The following DAP variants were observed in gnomAD, a reference collection of about 807,000 sequenced individuals.
The protein encoded by DAP is death-associated protein 1.
DAP carries 8 observed loss-of-function variants against 13.8 expected under a neutral mutation model. The ratio of observed to expected loss-of-function variants is 0.58; its 90% CI spans 0.34 to 1.05. The LOEUF is 1.05. Ranked by LOEUF, DAP falls within the 50% of genes least tolerant of loss-of-function variation. The probability of loss-of-function intolerance (pLI) is 0.03; values close to 1 mark genes in which losing one functional copy is unlikely to be tolerated. For missense variants in DAP, 106 were observed against 133.2 expected (o/e 0.80, Z 1.01); for synonymous variants, 47 against 47.5 (o/e 0.99, Z 0.04).
chr5:10,733,095 T>TCA lies in DAP; in HGVS notation c.152+15079_152+15080insTG. ...TTCACTAGGCATAATGACCTCCAGG[T>TCA]TCCCCCATGACGTGGCATATGACAG... On this transcript the variant is annotated intron_variant, in intron 2 of 3. Coordinates refer to ENST00000230895, the MANE Select transcript of DAP (RefSeq NM_004394.3). Among the ~76,000 whole-genome samples, 3 of 152,090 alleles carry TCA rather than the reference T, an allele frequency of 2.0e-5. No homozygotes were observed. The East Asian group carries it at 5.8e-4, about 29-fold the overall frequency.
chr5:10,760,666 T>C (rs768305998), intron 1 of DAP, among the ~76,000 whole-genome samples: 1 of 152,262 alleles, frequency 6.6e-6, no homozygotes, highest in Non-Finnish European at 1.5e-5. Flanking sequence ...TCTAGACATC[T>C]GTATCCTCTA....
At chr5:10,749,213 T>C (rs966800808) in intron 1 of DAP, among the ~76,000 whole-genome samples, 2 of 152,256 alleles carry the variant, frequency 1.3e-5, no homozygotes, top group Non-Finnish European at 2.9e-5. Flanking sequence ...ACTCATCAAT[T>C]AGACATTTGC....
chr5:10,693,363 T>C (rs1738355682), intron 2 of DAP, among the ~76,000 whole-genome samples: 1 of 152,174 alleles, frequency 6.6e-6, no homozygotes, highest in Admixed American at 6.5e-5. Context: ...GCAGGAAGCA[T>C]GTACACAGAA....
intron 2 of DAP, among the ~76,000 whole-genome samples, chr5:10,709,511 A>C (rs1364337687): frequency 6.6e-6 from 1 of 152,214 alleles, no homozygotes; most frequent in Non-Finnish European, 1.5e-5. Context: ...GGGTGTGTTC[A>C]AAACATCCCA....
At position 10,679,853 on chromosome 5, in the gene DAP, C is replaced by A. The variant is rs927578539; in HGVS notation, c.*1203G>T. On this transcript the variant is annotated 3_prime_UTR_variant, in exon 4 of 4. Coordinates refer to ENST00000230895, the MANE Select transcript of DAP (RefSeq NM_004394.3). ...CAGCTGCTCACGACACAGTTGCTGA[C>A]CTGCAGCAGATCGGCTGTGGGTGAG... The A allele has an allele frequency of 3.9e-5, 6 of 152,386 alleles. No homozygotes were observed. Among genetic ancestry groups the A allele is most frequent in the African/African-American group, 1.4e-4 (6 of 41,456 alleles). The allele number at this position is 152,386 out of a possible 1,614,324, so 9.4% of individuals were successfully genotyped here.
At chr5:10,712,629 G>A (rs1477549527) in intron 2 of DAP, among the ~76,000 whole-genome samples, 1 of 152,138 alleles carries the variant, frequency 6.6e-6, no homozygotes. Context: ...GGGGGAGACT[G>A]GGCAGGGCCT....
rs1740242004 is a variant in DAP, at chr5:10,758,205, CCTTT to C, written c.55+2805_55+2808del. Reference sequence around the variant, plus strand: ...GATTATCCTTTAGTGTAGTGGGCCGCCTTTTTTTTTTTTTTTTAAAAACTATCTA... The same window carrying C: ...GATTATCCTTTAGTGTAGTGGGCCGCTTTTTTTTTTTTTAAAAACTATCTA... On this transcript the variant is annotated intron_variant, in intron 1 of 3. Coordinates refer to ENST00000230895, the MANE Select transcript of DAP (RefSeq NM_004394.3). 5.5e-5 allele frequency among the ~76,000 whole-genome samples: 8 copies of C among 145,792 alleles called. No individual in the cohort carries two copies. In the South Asian group the frequency reaches 1.8e-3, roughly 33 times the overall value.
intron 2 of DAP, among the ~76,000 whole-genome samples, chr5:10,718,115 A>G (rs1468347372): frequency 6.6e-6 from 1 of 152,206 alleles, no homozygotes; most frequent in Non-Finnish European, 1.5e-5. Flanking sequence ...TTTTTACCAG[A>G]GTAACTGTGG....
Position 10,680,875 on chromosome 5 carries a change from G to T in DAP, c.*181C>A. ...TCCAACCAGACTCCCCATAAACAAG[G>T]TTTGGGCTGGAGCTGTTTCTAGTTT... is the stretch of plus-strand genomic sequence containing the variant. On this transcript the variant is annotated 3_prime_UTR_variant, in exon 4 of 4. Transcript: ENST00000230895. 6.5e-7 allele frequency: 1 copy of T among 1,537,070 alleles called. No homozygotes were observed. Among genetic ancestry groups the T allele is most frequent in the Non-Finnish European group, 8.7e-7 (1 of 1,147,032 alleles).
Position 10,723,335 on chromosome 5 carries a change from A to T in DAP, c.152+24840T>A, listed in dbSNP as rs191981422. 1.2e-3 allele frequency among the ~76,000 whole-genome samples: 187 copies of T among 152,366 alleles called. 1 individual carries two copies. The highest frequency in any genetic ancestry group is 2.0e-3 in the Non-Finnish European group (139 of 68,034). On this transcript the variant is annotated intron_variant, in intron 2 of 3. Transcript: ENST00000230895. ...TATATATAGTCTATCCTGTAAATAT[A>T]ATTTGATTTGCACAGAGCTCCTCAG...
intron 2 of DAP, among the ~76,000 whole-genome samples, chr5:10,737,912 G>A (rs1739656187): frequency 6.6e-6 from 1 of 152,218 alleles, no homozygotes. Flanking sequence ...ATGAAAAGGG[G>A]AAATTTGGAC....
At chr5:10,693,623 T>C (rs1738363153) in intron 2 of DAP, among the ~76,000 whole-genome samples, 1 of 152,176 alleles carries the variant, frequency 6.6e-6, no homozygotes, top group Non-Finnish European at 1.5e-5. Context: ...GGTTGCACAG[T>C]AATAAGTGCT....
Position 10,680,343 on chromosome 5 carries a change from C to T in DAP, c.*713G>A. On this transcript the variant is annotated 3_prime_UTR_variant, in exon 4 of 4. Transcript: ENST00000230895. ...GCCCTTGCTTGATCTCCTGGTGGAG[C>T]CTGTCTGGGCTGAGGCGATGCTGGG... 4.5e-6 allele frequency: 1 copy of T among 223,658 alleles called. No individual in the cohort carries two copies. Among genetic ancestry groups the T allele is most frequent in the Non-Finnish European group, 8.8e-6 (1 of 113,186 alleles). 13.9% of individuals were successfully genotyped at this position (223,658 alleles called of 1,614,324 possible).
chr5:10,711,280 G>A (rs1483884962), intron 2 of DAP, among the ~76,000 whole-genome samples: 3 of 152,218 alleles, frequency 2.0e-5, no homozygotes, highest in Non-Finnish European at 2.9e-5. Flanking sequence ...GCTCACCCGG[G>A]GTGGCCTGGG....
intron 2 of DAP, among the ~76,000 whole-genome samples, chr5:10,737,752 C>T (rs889397575): frequency 3.3e-5 from 5 of 152,226 alleles, no homozygotes; most frequent in East Asian, 1.9e-4. Context: ...GCATCTGCTA[C>T]GGGTTGACTT....
At position 10,725,112 on chromosome 5, in the gene DAP, C is replaced by T. The variant is rs143484231; in HGVS notation, c.152+23063G>A. Among the ~76,000 whole-genome samples, 234 of 152,280 alleles carry T rather than the reference C, an allele frequency of 1.5e-3. 1 individual carries two copies. Among genetic ancestry groups the T allele is most frequent in the Non-Finnish European group, 1.5e-3 (99 of 68,026 alleles). On this transcript the variant is annotated intron_variant, in intron 2 of 3. Transcript: ENST00000230895. The stretch of plus-strand genomic sequence containing the variant: ...GAAAACAAACCTTCCATTCTTCAGC[C>T]GTGTTTGTTTTGGGCCCATTTGGCA...
chr5:10,688,911 C>T (rs1446301985), intron 2 of DAP, among the ~76,000 whole-genome samples: 4 of 152,278 alleles, frequency 2.6e-5, no homozygotes, highest in East Asian at 1.9e-4. Flanking sequence ...GTAGCTGCCA[C>T]GTGAGGCTCT....
intron 2 of DAP, among the ~76,000 whole-genome samples, chr5:10,727,019 C>T (rs1453772709): frequency 6.6e-6 from 1 of 152,174 alleles, no homozygotes. Context: ...GAGACAGAGA[C>T]TTAGCTTGAT....
At chr5:10,697,521 A>G (rs1280781147) in intron 2 of DAP, among the ~76,000 whole-genome samples, 1 of 152,190 alleles carries the variant, frequency 6.6e-6, no homozygotes, top group Non-Finnish European at 1.5e-5. Flanking sequence ...GGTGCTTTAA[A>G]AATCACTCTA....
Sources: gnomAD v4.1 joint callset for allele counts (sites outside exome capture counted in the v4.1 genomes callset) on GRCh38, gnomAD v4.1.1 for gene constraint, MANE v1.5 for transcripts, NCBI Gene and HGNC (gene_info 2026-07-23, HGNC 2026-07-21) for gene names.